Variants in NUCB1 observed in about 807,000 individuals in gnomAD.
NUCB1 encodes nucleobindin 1.
Under a neutral mutation model 61.2 loss-of-function variants are expected in NUCB1, and 47 were observed. The observed-to-expected ratio is 0.77, with a 90% CI of 0.61 to 0.98. The LOEUF (loss-of-function observed/expected upper bound fraction) is 0.98. NUCB1 is among the 50% of genes least tolerant of loss of function. NUCB1 has a pLI of 0.00. For synonymous variants in NUCB1, 234 were observed against 243.1 expected, an observed-to-expected ratio of 0.96 and a Z score of 0.35; for missense variants, 583 against 605.3, an observed-to-expected ratio of 0.96 and a Z score of 0.39.
chr19:48,902,520 C>T (rs1411110211), intron 2 of NUCB1, among the ~76,000 whole-genome samples: 1 of 151,614 alleles, frequency 6.6e-6, no homozygotes, highest in Non-Finnish European at 1.5e-5. Flanking sequence ...GATCCTCCTG[C>T]CTCAGCCTCT....
intron 2 of NUCB1, among the ~76,000 whole-genome samples, chr19:48,903,770 GTGGATGGATGGATGGATAGA>G (rs1470340999): frequency 7.6e-6 from 1 of 132,076 alleles, no homozygotes; most frequent in African/African-American, 2.8e-5. Context: ...GGGTGGATGA[GTGGATGGATGGATGGATAGA>G]TGGATGGATG....
intron 4 of NUCB1, among the ~76,000 whole-genome samples, chr19:48,907,423 G>C (rs1461617436): frequency 2.0e-5 from 3 of 151,736 alleles, no homozygotes; most frequent in Non-Finnish European, 4.4e-5. Flanking sequence ...TTACAGGTGT[G>C]TGCCACCACA....
intron 2 of NUCB1, among the ~76,000 whole-genome samples, chr19:48,903,910 ATGGATGGATGGATGGGTGGGTGGG>A (rs2037383813): frequency 3.8e-5 from 4 of 104,556 alleles, no homozygotes; most frequent in African/African-American, 1.5e-4. Context: ...GGATGGGTGG[ATGGATGGATGGATGGGTGGGTGGG>A]TGGATGGATG....
intron 4 of NUCB1, among the ~76,000 whole-genome samples, chr19:48,909,966 T>A (rs1182037983): frequency 6.6e-6 from 1 of 152,212 alleles, no homozygotes; most frequent in African/African-American, 2.4e-5. Flanking sequence ...TCTGAGGTAC[T>A]GGGGCTTAGG....
chr19:48,901,075 C>G, intron 2 of NUCB1, 144 bp downstream of exon 2: 1 of 970,824 alleles, frequency 1.0e-6, no homozygotes, highest in Middle Eastern at 2.1e-4. Flanking sequence ...TTCCTCCCAG[C>G]AGCAGGGGTT....
Position 48,922,407 on chromosome 19 carries a change from G to T in NUCB1, c.1369G>T (p.Val457Leu), listed in dbSNP as rs139369639. ...TCTCGAGCGGCTCCCTGAGGTTGAG[G>T]TGCCCCAGCATCTGTGATCCTCCGG... ...KLLERLPEVEVPQHL is the reference protein window; with the variant it reads ...KLLERLPEVELPQHL Residue 457 changes from valine (V) to leucine (L), a missense_variant, in exon 13 of 13, where the codon GTG becomes TTG. Physicochemically the swap from Val to Leu is conservative, Grantham distance 32. Coordinates refer to ENST00000405315, the MANE Select transcript of NUCB1 (RefSeq NM_006184.6). The T allele has an allele frequency of 4.6e-5, 74 of 1,613,502 alleles. No homozygotes were observed. The Middle Eastern group carries it at 4.9e-4, about 11-fold the overall frequency.
At position 48,921,011 on chromosome 19, in the gene NUCB1, CT is replaced by C. The variant is rs1355096047; in HGVS notation, c.1003-142del. ...CTCTCGGTCTTTATCCCACTCCCAC[CT>C]CCCACTTGGGCTTCTTTGCCCACCC... is the stretch of plus-strand genomic sequence containing the variant. On this transcript the variant is annotated intron_variant, in intron 10 of 12. Transcript: ENST00000405315. 5.1e-6 allele frequency: 4 copies of C among 785,386 alleles called. No homozygotes were observed. In the African/African-American group the frequency reaches 7.0e-5, roughly 14 times the overall value. 48.7% of individuals were successfully genotyped at this position (785,386 alleles called of 1,614,324 possible).
intron 2 of NUCB1, among the ~76,000 whole-genome samples, chr19:48,903,686 A>G (rs1303896739): frequency 3.8e-5 from 3 of 78,258 alleles, no homozygotes; most frequent in Admixed American, 1.3e-4. Flanking sequence ...GGATGGATGG[A>G]TGGGTGGGTG....
chr19:48,912,193 T>A (rs374088809), intron 5 of NUCB1, among the ~76,000 whole-genome samples: 12 of 151,566 alleles, frequency 7.9e-5, no homozygotes, highest in African/African-American at 2.9e-4. Flanking sequence ...CCAGGCTAAT[T>A]TTAAAAATTT....
At chr19:48,904,315 A>G (rs2037388541) in intron 2 of NUCB1, 32 bp from the exon 3 acceptor site, 2 of 1,436,032 alleles carry the variant, frequency 1.4e-6, no homozygotes, top group Admixed American at 1.7e-5. Context: ...GGATGGGAGC[A>G]GGGGCTGCTA....
chr19:48,905,528 C>T (rs975067964), intron 3 of NUCB1, among the ~76,000 whole-genome samples: 3 of 152,144 alleles, frequency 2.0e-5, no homozygotes, highest in Non-Finnish European at 4.4e-5. Context: ...GGCCCCTAAA[C>T]ATGTGGCTTG....
intron 4 of NUCB1, among the ~76,000 whole-genome samples, chr19:48,906,757 G>T (rs986717832): frequency 6.6e-6 from 1 of 151,870 alleles, no homozygotes; most frequent in Admixed American, 6.6e-5. Context: ...CAAACTTTTA[G>T]AAAAGTTGTA....
At chr19:48,918,983 T>C (rs757504025) in intron 8 of NUCB1, 47 bp from the exon 9 acceptor site, 6 of 1,572,662 alleles carry the variant, frequency 3.8e-6, no homozygotes, top group Non-Finnish European at 5.2e-6. Flanking sequence ...GGGAATGAGC[T>C]CGCTGGGGAC....
At position 48,921,930 on chromosome 19, in the gene NUCB1, CAG is replaced by C; in HGVS notation, c.1278_1279del (p.Asp427ArgfsTer10). 1 of 1,592,688 alleles carries C rather than the reference CAG, an allele frequency of 6.3e-7. No individual in the cohort carries two copies. Among genetic ancestry groups the C allele is most frequent in the South Asian group, 1.1e-5 (1 of 89,066 alleles). ...GGGCAGCTCAAGTTCCACCCAGACA[CAG>C]GTGCTGGCCCTAGTCCAGGGAGGAG... On this transcript the variant is annotated frameshift_variant and splice_region_variant, in exon 12 of 13. Coordinates refer to ENST00000405315, the MANE Select transcript of NUCB1 (RefSeq NM_006184.6). LOFTEE classifies it low-confidence loss of function (END_TRUNC).
chr19:48,903,744 G>A (rs1343664551), intron 2 of NUCB1, among the ~76,000 whole-genome samples: 4 of 146,744 alleles, frequency 2.7e-5, no homozygotes, highest in East Asian at 4.2e-4. Context: ...ATGGATGGGC[G>A]GGTGGATGGA....
Position 48,922,458 on chromosome 19 carries a change from GCTCCAA to G in NUCB1, c.*35_*40del. 6.5e-7 allele frequency: 1 copy of G among 1,544,680 alleles called. No individual in the cohort carries two copies. The highest frequency in any genetic ancestry group is 8.9e-7 in the Non-Finnish European group (1 of 1,117,570). ...GACCCCAGCCCTCAGGATTCCTGATGCTCCAAGGCGACTGATGGGCGCTGGATGAAG... is the reference window on the plus strand; with the variant it reads ...GACCCCAGCCCTCAGGATTCCTGATGGGCGACTGATGGGCGCTGGATGAAG... On this transcript the variant is annotated 3_prime_UTR_variant, in exon 13 of 13. Coordinates refer to ENST00000405315, the MANE Select transcript of NUCB1 (RefSeq NM_006184.6).
intron 1 of NUCB1, 128 bp from the exon 2 acceptor site, chr19:48,900,658 G>A: frequency 7.8e-7 from 1 of 1,282,852 alleles, no homozygotes; most frequent in Non-Finnish European, 1.1e-6. Flanking sequence ...CTGGGGCCTG[G>A]GTAACAAAAT....
At position 48,922,408 on chromosome 19, in the gene NUCB1, T is replaced by C. The variant is rs1600071335; in HGVS notation, c.1370T>C (p.Val457Ala). 1.2e-6 allele frequency: 2 copies of C among 1,613,372 alleles called. No homozygotes were observed. The highest frequency in any genetic ancestry group is 1.7e-6 in the Non-Finnish European group (2 of 1,179,548). ...KLLERLPEVE[V>A]PQHL ...CTCGAGCGGCTCCCTGAGGTTGAGG[T>C]GCCCCAGCATCTGTGATCCTCCGGG... is the stretch of plus-strand genomic sequence containing the variant. Residue 457 changes from valine to alanine, a missense_variant, in exon 13 of 13, where the codon GTG becomes GCG. Coordinates refer to ENST00000405315, the MANE Select transcript of NUCB1 (RefSeq NM_006184.6).
intron 7 of NUCB1, among the ~76,000 whole-genome samples, chr19:48,914,107 C>T (rs993671411): frequency 1.3e-5 from 2 of 151,882 alleles, no homozygotes; most frequent in Admixed American, 1.3e-4. Context: ...TCCCGAGTAG[C>T]TGGGATTACA....
Sources: gnomAD v4.1 joint callset for allele counts (sites outside exome capture counted in the v4.1 genomes callset) on GRCh38, gnomAD v4.1.1 for gene constraint, MANE v1.5 for transcripts, NCBI Gene and HGNC (gene_info 2026-07-23, HGNC 2026-07-21) for gene names.